Variants in ARID2 observed in about 807,000 individuals in gnomAD.
The protein encoded by ARID2 is AT-rich interactive domain-containing protein 2.
Under a neutral mutation model 184.6 loss-of-function variants are expected in ARID2, and 32 were observed. The ratio of observed to expected loss-of-function variants is 0.17; its 90% CI spans 0.13 to 0.23. The LOEUF is 0.23. Ranked by LOEUF, ARID2 falls within the 10% of genes least tolerant of loss-of-function variation. The probability of loss-of-function intolerance (pLI) is 1.00; values close to 1 mark genes in which losing one functional copy is unlikely to be tolerated. For missense variants in ARID2, 1,696 were observed against 2,197.6 expected, an observed-to-expected ratio of 0.77 and a Z score of 4.56; for synonymous variants, 836 against 772.6, an observed-to-expected ratio of 1.08 and a Z score of -1.36.
intron 20 of ARID2, among the ~76,000 whole-genome samples, chr12:45,894,110 C>T (rs1944338168): frequency 6.6e-6 from 1 of 152,130 alleles, no homozygotes; most frequent in Non-Finnish European, 1.5e-5. Context: ...CCATCAATGG[C>T]ATAAATAATG....
intron 3 of ARID2, among the ~76,000 whole-genome samples, chr12:45,790,740 T>C (rs1942277674): frequency 6.6e-6 from 1 of 152,222 alleles, no homozygotes; most frequent in East Asian, 1.9e-4. Flanking sequence ...ATAAAAACTA[T>C]CTTGGCTAGC....
At chr12:45,854,764 G>A (rs929454480) in intron 15 of ARID2, among the ~76,000 whole-genome samples, 2 of 152,200 alleles carry the variant, frequency 1.3e-5, no homozygotes, top group East Asian at 1.9e-4. Context: ...GTTGTAGTCA[G>A]TAATATCACA....
intron 6 of ARID2, among the ~76,000 whole-genome samples, chr12:45,833,819 TA>T (rs1943165148): frequency 6.6e-6 from 1 of 152,222 alleles, no homozygotes; most frequent in South Asian, 2.1e-4. Flanking sequence ...GTTTTTTGAC[TA>T]GCATTGTGGA....
At chr12:45,767,974 A>G (rs1465561260) in intron 3 of ARID2, among the ~76,000 whole-genome samples, 1 of 152,218 alleles carries the variant, frequency 6.6e-6, no homozygotes, top group African/African-American at 2.4e-5. Flanking sequence ...TTTGGTCTCG[A>G]AAAATGGTCC....
Position 45,848,894 on chromosome 12 carries a change from T to C in ARID2, c.1639T>C (p.Ser547Pro), listed in dbSNP as rs1038652707. ...DCSVSRAEMYSEYLSTCSKLA... is the reference protein window; with the variant it reads ...DCSVSRAEMYPEYLSTCSKLA... The stretch of plus-strand genomic sequence containing the variant: ...TTCTGTTTCTCGAGCAGAAATGTAT[T>C]CTGAATACCTCTCGACTTGCAGTAA... Residue 547 changes from serine to proline, a missense_variant, in exon 13 of 21, where the codon TCT (serine) becomes CCT (proline). Ser to Pro is a moderately conservative substitution (Grantham distance 74, BLOSUM62 -1). Transcript: ENST00000334344. 6.2e-7 allele frequency: 1 copy of C among 1,612,472 alleles called. No individual in the cohort carries two copies. Among genetic ancestry groups the C allele is most frequent in the Non-Finnish European group, 8.5e-7 (1 of 1,179,050 alleles).
At chr12:45,834,346 A>AT (rs1274937407) in intron 6 of ARID2, among the ~76,000 whole-genome samples, 1 of 149,962 alleles carries the variant, frequency 6.7e-6, no homozygotes, top group Non-Finnish European at 1.5e-5. Context: ...TCTTCCTTAG[A>AT]TTGTAGATAA....
At chr12:45,821,903 A>G (rs1942904202) in intron 6 of ARID2, among the ~76,000 whole-genome samples, 1 of 152,170 alleles carries the variant, frequency 6.6e-6, no homozygotes, top group African/African-American at 2.4e-5. Context: ...CTAGAGGAAA[A>G]TTTCTGGGAA....
chr12:45,880,908 G>T, intron 16 of ARID2: 1 of 196,850 alleles, frequency 5.1e-6, no homozygotes, highest in Admixed American at 4.9e-5. Context: ...TGCAGTTTTG[G>T]CTGTTTGGGG....
chr12:45,892,471 G>T (rs1446200269), intron 18 of ARID2, among the ~76,000 whole-genome samples: 1 of 130,900 alleles, frequency 7.6e-6, no homozygotes, highest in Admixed American at 8.1e-5. Flanking sequence ...TTCATATCTT[G>T]TCATTATCAT....
At chr12:45,895,179 G>A (rs1944354131) in intron 20 of ARID2, among the ~76,000 whole-genome samples, 1 of 152,120 alleles carries the variant, frequency 6.6e-6, no homozygotes. Flanking sequence ...TTCCCTTACA[G>A]AACTATGTGC....
intron 16 of ARID2, among the ~76,000 whole-genome samples, chr12:45,883,371 G>A (rs1298542216): frequency 6.6e-6 from 1 of 150,956 alleles, no homozygotes; most frequent in Non-Finnish European, 1.5e-5. Flanking sequence ...GCCAAATCAT[G>A]TTGAAGACAT....
intron 3 of ARID2, among the ~76,000 whole-genome samples, chr12:45,755,503 G>T (rs979436742): frequency 2.6e-5 from 4 of 152,208 alleles, no homozygotes; most frequent in African/African-American, 7.2e-5. Context: ...GCTTATCGTT[G>T]TAAGTATCAC....
chr12:45,836,360 C>T (rs780385271), intron 6 of ARID2, among the ~76,000 whole-genome samples: 4 of 152,140 alleles, frequency 2.6e-5, no homozygotes, highest in Admixed American at 6.5e-5. Flanking sequence ...CAGGCACATG[C>T]CACCACTCCT....
At chr12:45,735,818 A>G (rs768909558) in intron 3 of ARID2, among the ~76,000 whole-genome samples, 1 of 152,230 alleles carries the variant, frequency 6.6e-6, no homozygotes, top group Non-Finnish European at 1.5e-5. Context: ...GTAGAAATAA[A>G]TTGAGTTCTT....
chr12:45,899,270 CAAAAAAA>C lies in ARID2; in HGVS notation c.5363+5570_5363+5576del, dbSNP rs774912363. The stretch of plus-strand genomic sequence containing the variant: ...CTGGCGAAAGAGCAAGACTCTGTCT[CAAAAAAA>C]AAAAAAAAAAAAAAAAAAAAGTAAG... On this transcript the variant is annotated intron_variant, in intron 20 of 20. Transcript: ENST00000334344. Among the ~76,000 whole-genome samples, 5 of 46,336 alleles carry C rather than the reference CAAAAAAA, an allele frequency of 1.1e-4. No individual in the cohort carries two copies. In the East Asian group the frequency reaches 2.2e-3, roughly 20 times the overall value. 30.4% of individuals were successfully genotyped at this position (46,336 alleles called of 152,430 possible). A position where few individuals can be genotyped will look rare whatever the true frequency, so the allele number is the denominator to read the frequency against.
rs981436037 is a variant in ARID2, at chr12:45,906,494, T to A, written c.*1416T>A. 4 of 232,884 alleles carry A rather than the reference T, an allele frequency of 1.7e-5. No individual in the cohort carries two copies. The South Asian group carries it at 7.2e-4, about 42-fold the overall frequency. 14.4% of individuals were successfully genotyped at this position (232,884 alleles called of 1,614,324 possible). On this transcript the variant is annotated 3_prime_UTR_variant, in exon 21 of 21. Coordinates refer to ENST00000334344, the MANE Select transcript of ARID2 (RefSeq NM_152641.4). ...AGTTTATGTTATAGAATGGCTTTAT[T>A]TACTTTGGTGACTGTTTATAGTTTT...
At position 45,837,622 on chromosome 12, in the gene ARID2, A is replaced by T. The variant is rs2138132219; in HGVS notation, c.1245A>T (p.Val415=). Residue 415 remains valine, a synonymous_variant, in exon 10 of 21, where the codon GTA becomes GTT. Transcript: ENST00000334344. ...CHLTLPDVLL[V]ISTLEVLYML... ...TCACTTTACCTGATGTGCTGCTTGT[A>T]ATCTCAACACTCGAGGTGCTATACA... is the stretch of plus-strand genomic sequence containing the variant. The T allele has an allele frequency of 1.2e-6, 2 of 1,614,116 alleles. No homozygotes were observed. Among genetic ancestry groups the T allele is most frequent in the Non-Finnish European group, 1.7e-6 (2 of 1,180,000 alleles).
In ARID2 at chr12:45,852,688, C is replaced by G. The variant is rs370721871; in HGVS notation, c.4565C>G (p.Thr1522Ser). The G allele has an allele frequency of 8.7e-5, 140 of 1,614,018 alleles. No homozygotes were observed. The highest frequency in any genetic ancestry group is 2.4e-4 in the South Asian group (22 of 91,086). Residue 1522 changes from threonine to serine, a missense_variant, in exon 15 of 21, where the codon ACT becomes AGT. Transcript: ENST00000334344. ...CKTVKRPAED[T>S]DRETVAGIPN... ...ACTGTAAAGAGGCCAGCAGAGGATACTGATAGGGAAACAGTCGCAGGAATT... is the reference window on the plus strand; with the variant it reads ...ACTGTAAAGAGGCCAGCAGAGGATAGTGATAGGGAAACAGTCGCAGGAATT...
At chr12:45,756,984 A>G (rs1469987465) in intron 3 of ARID2, among the ~76,000 whole-genome samples, 1 of 152,226 alleles carries the variant, frequency 6.6e-6, no homozygotes, top group Non-Finnish European at 1.5e-5. Flanking sequence ...AAGTTCAGGA[A>G]TAGTCTCCTT....
Sources: allele counts gnomAD v4.1 joint callset (sites outside exome capture counted in the v4.1 genomes callset), GRCh38; gene constraint gnomAD v4.1.1; transcripts MANE v1.5; gene names NCBI Gene and HGNC (gene_info 2026-07-23, HGNC 2026-07-21).